GATAD2B: variants seen among roughly 807,000 people sequenced by gnomAD.
GATAD2B encodes the protein transcriptional repressor p66-beta.
GATAD2B carries 8 observed loss-of-function variants against 64.3 expected under a neutral mutation model. The ratio of observed to expected loss-of-function variants is 0.12; its 90% CI spans 0.07 to 0.22. GATAD2B has a LOEUF of 0.22. Ranked by LOEUF, GATAD2B falls within the 10% of genes least tolerant of loss-of-function variation. The pLI, the probability that GATAD2B is intolerant of heterozygous loss-of-function variation, is 1.00. For missense variants in GATAD2B, 453 were observed against 752.0 expected, an observed-to-expected ratio of 0.60 and a Z score of 4.65; for synonymous variants, 281 against 271.3, an observed-to-expected ratio of 1.04 and a Z score of -0.35.
intron 10 of GATAD2B, 92 bp from the exon 11 acceptor site, chr1:153,810,402 G>T: frequency 1.4e-5 from 18 of 1,293,202 alleles, no homozygotes; most frequent in Non-Finnish European, 2.0e-5. Flanking sequence ...GTTGGAGATG[G>T]AAAGGAAGCA....
At chr1:153,861,041 A>C (rs1250467194) in intron 1 of GATAD2B, among the ~76,000 whole-genome samples, 2 of 152,138 alleles carry the variant, frequency 1.3e-5, no homozygotes, top group Non-Finnish European at 2.9e-5. Flanking sequence ...ACATACTCTA[A>C]AAAGAGGAGC....
chr1:153,917,787 T>C (rs1678317408), intron 1 of GATAD2B, among the ~76,000 whole-genome samples: 1 of 151,948 alleles, frequency 6.6e-6, no homozygotes, highest in Non-Finnish European at 1.5e-5. Context: ...ACCTACATCA[T>C]AGAAAGAGAA....
At chr1:153,889,197 G>A (rs983992261) in intron 1 of GATAD2B, among the ~76,000 whole-genome samples, 1 of 151,856 alleles carries the variant, frequency 6.6e-6, no homozygotes, top group Non-Finnish European at 1.5e-5. Context: ...TGGCTCACCT[G>A]AGGTCGGGAG....
chr1:153,822,038 G>A (rs4130608), intron 2 of GATAD2B, among the ~76,000 whole-genome samples: 104,257 of 151,576 alleles, frequency 0.69, 38,309 homozygotes, highest in Non-Finnish European at 0.83. Context: ...AAAATTAGCC[G>A]GGCATGGTAG....
chr1:153,818,186 A>C lies in GATAD2B; in HGVS notation c.598-15T>G. On this transcript the variant is annotated splice_polypyrimidine_tract_variant and intron_variant, in intron 4 of 10. Transcript: ENST00000368655. ...ACAACTGGAGTCTGGGAGAGGGAAGAGAAAATAAGACTGTGGCCAATAATC... is the reference window on the plus strand; with the variant it reads ...ACAACTGGAGTCTGGGAGAGGGAAGCGAAAATAAGACTGTGGCCAATAATC... 1 of 1,583,580 alleles carries C rather than the reference A, an allele frequency of 6.3e-7. No individual in the cohort carries two copies. Among genetic ancestry groups the C allele is most frequent in the Non-Finnish European group, 8.6e-7 (1 of 1,165,846 alleles).
Position 153,813,429 on chromosome 1 carries a change from G to A in GATAD2B, c.1240C>T (p.Arg414Trp), listed in dbSNP as rs755635372. ...TGGGCACATACAAAGGGTTCAACCC[G>A]CAGAAGTGAGGCACAGCTTTTGCCT... ...SQGKSCASLL[R>W]VEPFVCAQCR... Residue 414 changes from arginine (R) to tryptophan (W), a missense_variant, in exon 8 of 11, where the codon CGG becomes TGG. Arg to Trp is a moderately radical substitution (Grantham distance 101). Around this residue, in one of 2 missense-constraint regions of GATAD2B, gnomAD observed 160 missense variants for 334.7 expected, o/e 0.48. Coordinates refer to ENST00000368655, the MANE Select transcript of GATAD2B (RefSeq NM_020699.4). 3.1e-6 allele frequency: 5 copies of A among 1,613,842 alleles called. No homozygotes were observed. The highest frequency in any genetic ancestry group is 2.2e-5 in the South Asian group (2 of 91,076).
At chr1:153,908,725 C>A (rs1157027035) in intron 1 of GATAD2B, among the ~76,000 whole-genome samples, 2 of 149,436 alleles carry the variant, frequency 1.3e-5, no homozygotes, top group African/African-American at 4.9e-5. Context: ...GCCTGGCCCT[C>A]CCAAAGTGCT....
At chr1:153,916,488 G>T (rs949248891) in intron 1 of GATAD2B, among the ~76,000 whole-genome samples, 3 of 152,132 alleles carry the variant, frequency 2.0e-5, no homozygotes, top group African/African-American at 7.2e-5. Flanking sequence ...TCACAGGGAA[G>T]AAATGATGTT....
chr1:153,839,108 CAAAAAAAAAAAAAAAAAAAA>C lies in GATAD2B; in HGVS notation c.-1-10780_-1-10761del, dbSNP rs35262137. Reference sequence around the variant, plus strand: ...TGGGTGACAGAACGAGACCCTGTCTCAAAAAAAAAAAAAAAAAAAAAAAAAAGAAAGTTTAAGGAAGAGAG... The same window carrying C: ...TGGGTGACAGAACGAGACCCTGTCTCAAAAAAGAAAGTTTAAGGAAGAGAG... On this transcript the variant is annotated intron_variant, in intron 1 of 10. Transcript: ENST00000368655. Among the ~76,000 whole-genome samples the C allele has an allele frequency of 3.8e-5, 3 of 78,574 alleles. No individual in the cohort carries two copies. In the South Asian group the frequency reaches 1.5e-3, roughly 40 times the overall value. The allele number at this position is 78,574 out of a possible 152,430, so 51.5% of individuals were successfully genotyped here. A position where few individuals can be genotyped will look rare whatever the true frequency, so the allele number is the denominator to read the frequency against.
chr1:153,823,405 C>T (rs1464153186), intron 2 of GATAD2B, among the ~76,000 whole-genome samples: 3 of 152,250 alleles, frequency 2.0e-5, no homozygotes, highest in Middle Eastern at 3.4e-3. Context: ...TCATACATAC[C>T]TTATTTCACA....
chr1:153,867,513 T>C (rs1450412233), intron 1 of GATAD2B, among the ~76,000 whole-genome samples: 2 of 151,564 alleles, frequency 1.3e-5, no homozygotes, highest in African/African-American at 4.8e-5. Context: ...TGTCTCTAAA[T>C]AAATAAATAA....
intron 1 of GATAD2B, among the ~76,000 whole-genome samples, chr1:153,829,310 A>G (rs775346062): frequency 9.2e-5 from 14 of 152,390 alleles, no homozygotes; most frequent in Admixed American, 2.0e-4. Flanking sequence ...AAGATAAAAT[A>G]GTAAGAAAAT....
chr1:153,903,136 T>A (rs950354814), intron 1 of GATAD2B, among the ~76,000 whole-genome samples: 5 of 149,870 alleles, frequency 3.3e-5, no homozygotes. Context: ...GAGAATGGAG[T>A]GAAACCAGGA....
intron 1 of GATAD2B, among the ~76,000 whole-genome samples, chr1:153,855,257 CAGAG>C (rs1469267518): frequency 2.0e-5 from 3 of 150,504 alleles, no homozygotes; most frequent in Non-Finnish European, 4.4e-5. Flanking sequence ...GTTTTTGAGA[CAGAG>C]TCTTGCTCTG....
intron 1 of GATAD2B, among the ~76,000 whole-genome samples, chr1:153,863,477 C>T (rs891952901): frequency 4.7e-5 from 7 of 147,614 alleles, no homozygotes; most frequent in Admixed American, 1.4e-4. Context: ...GCCTGGGTGA[C>T]GACAGTGAAC....
intron 1 of GATAD2B, among the ~76,000 whole-genome samples, chr1:153,846,867 T>G (rs1357825314): frequency 6.6e-6 from 1 of 151,890 alleles, no homozygotes; most frequent in Non-Finnish European, 1.5e-5. Flanking sequence ...CCCTTCTTGC[T>G]CTTTTATGCC....
Position 153,817,496 on chromosome 1 carries a change from A to C in GATAD2B, c.776T>G (p.Met259Arg). The C allele has an allele frequency of 6.2e-7, 1 of 1,612,100 alleles. No individual in the cohort carries two copies. The highest frequency in any genetic ancestry group is 8.5e-7 in the Non-Finnish European group (1 of 1,179,208). The change falls in exon 6 of 11, where the codon ATG becomes AGG. Residue 259 changes from methionine to arginine, a missense_variant. Physicochemically the swap from Met to Arg is moderately conservative, Grantham distance 91. Around this residue, in one of 2 missense-constraint regions of GATAD2B, gnomAD observed 293 missense variants for 417.2 expected, o/e 0.70. Transcript: ENST00000368655. ...TGCAATAACACGTTGAGACATCAAC[A>C]TGTGTGGAAGGGTGGTATTGGTAGC... ...RSATNTTLPH[M>R]LMSQRVIAPN...
At chr1:153,867,480 G>C (rs548471412) in intron 1 of GATAD2B, among the ~76,000 whole-genome samples, 1 of 152,030 alleles carries the variant, frequency 6.6e-6, no homozygotes, top group South Asian at 2.1e-4. Flanking sequence ...TTGTACTCCA[G>C]CTTGGGTGAC....
chr1:153,815,074 T>C (rs1570925545), intron 7 of GATAD2B, among the ~76,000 whole-genome samples: 1 of 65,922 alleles, frequency 1.5e-5, no homozygotes, highest in Non-Finnish European at 2.7e-5. Context: ...AGAGTAAGAC[T>C]CTGTCTCAAA....
Sources: allele counts gnomAD v4.1 joint callset (sites outside exome capture counted in the v4.1 genomes callset), GRCh38; gene constraint gnomAD v4.1.1; regional missense constraint gnomAD v4.1.1; transcripts MANE v1.5; gene names NCBI Gene and HGNC (gene_info 2026-07-23, HGNC 2026-07-21).